Variants in DYNLT5 observed in about 807,000 individuals in gnomAD.
DYNLT5 encodes dynein light chain Tctex-type family member 5, also known as dynein light chain Tctex-type 5.
A neutral mutation model predicts 19.3 loss-of-function variants in DYNLT5; 25 were observed. The ratio of observed to expected loss-of-function variants is 1.30; its 90% CI spans 0.95 to 1.81. The LOEUF (loss-of-function observed/expected upper bound fraction) is 1.81, where lower values mean the gene tolerates loss of function less well. Ranked by LOEUF, DYNLT5 falls within the 40% of genes most tolerant of loss-of-function variation. The pLI, the probability that DYNLT5 is intolerant of heterozygous loss-of-function variation, is 0.00. For synonymous variants in DYNLT5, 82 were observed against 68.9 expected, an observed-to-expected ratio of 1.19 and a Z score of -0.94; for missense variants, 232 against 217.9, an observed-to-expected ratio of 1.06 and a Z score of -0.41.
At chr1:66,771,056 A>G (rs538020780) in intron 3 of DYNLT5, among the ~76,000 whole-genome samples, 9 of 152,134 alleles carry the variant, frequency 5.9e-5, no homozygotes, top group Non-Finnish European at 1.0e-4. Flanking sequence ...CCTGCCCACT[A>G]TTACCTGAAT....
At chr1:66,768,961 A>G (rs867344168) in intron 2 of DYNLT5, among the ~76,000 whole-genome samples, 1 of 152,198 alleles carries the variant, frequency 6.6e-6, no homozygotes, top group African/African-American at 2.4e-5. Context: ...ACTTACCTCA[A>G]AGGATATTGT....
Position 66,752,564 on chromosome 1 carries a change from G to A in DYNLT5, c.-24G>A. ...AGTGCCGGAGGTCTGGGAGGCTCCG[G>A]GCGAAGCCTCCCTGCTGCAGGTAGG... On this transcript the variant is annotated 5_prime_UTR_variant, in exon 1 of 5. Transcript: ENST00000282670. 2 of 985,524 alleles carry A rather than the reference G, an allele frequency of 2.0e-6. No individual in the cohort carries two copies. The highest frequency in any genetic ancestry group is 2.4e-6 in the Non-Finnish European group (2 of 829,990). The allele number at this position is 985,524 out of a possible 1,614,324, so 61.0% of individuals were successfully genotyped here. A position where few individuals can be genotyped will look rare whatever the true frequency, so the allele number is the denominator to read the frequency against.
At chr1:66,754,531 AC>A (rs1343949340) in intron 1 of DYNLT5, 124 bp from the exon 2 acceptor site, 1 of 965,188 alleles carries the variant, frequency 1.0e-6, no homozygotes, top group African/African-American at 1.7e-5. Context: ...TCTTGAGGAA[AC>A]CCCACTTTCC....
chr1:66,776,560 G>GTGTGT (rs1557875500), intron 4 of DYNLT5, among the ~76,000 whole-genome samples, 157 bp downstream of exon 4: 1 of 126,588 alleles, frequency 7.9e-6, no homozygotes, highest in South Asian at 2.7e-4. Flanking sequence ...TGTGTGTGTG[G>GTGTGT]GTGTGTGTGT....
Position 66,776,316 on chromosome 1 carries a change from T to G in DYNLT5, c.249T>G (p.His83Gln). 1 of 1,613,562 alleles carries G rather than the reference T, an allele frequency of 6.2e-7. No homozygotes were observed. The highest frequency in any genetic ancestry group is 8.5e-7 in the Non-Finnish European group (1 of 1,179,704). ...ATTTTCCTGTGGTCACCGTCAATCA[T>G]ATTTTGAAAGATGTAGTAACCAGCT... Reference protein sequence around the residue: ...PKHFPVVTVNHILKDVVTSYL... With the variant: ...PKHFPVVTVNQILKDVVTSYL... Residue 83 changes from histidine to glutamine, a missense_variant, in exon 4 of 5, where the codon CAT becomes CAG. Transcript: ENST00000282670.
intron 4 of DYNLT5, 95 bp from the exon 5 acceptor site, chr1:66,777,156 C>G (rs1375251988): frequency 1.2e-5 from 12 of 1,025,860 alleles, no homozygotes; most frequent in Non-Finnish European, 1.6e-5. Context: ...ATGCATCATG[C>G]TATTAAATTA....
At chr1:66,775,921 TC>T (rs1461212874) in intron 3 of DYNLT5, among the ~76,000 whole-genome samples, 1 of 152,046 alleles carries the variant, frequency 6.6e-6, no homozygotes, top group African/African-American at 2.4e-5. Context: ...TCATTTAAGA[TC>T]TGGTAGATAG....
At position 66,754,683 on chromosome 1, in the gene DYNLT5, G is replaced by A. The variant is rs1374996446; in HGVS notation, c.25G>A (p.Gly9Ser). The A allele has an allele frequency of 1.9e-6, 3 of 1,612,732 alleles. No homozygotes were observed. Among genetic ancestry groups the A allele is most frequent in the Non-Finnish European group, 2.5e-6 (3 of 1,179,584 alleles). Residue 9 changes from glycine to serine, a missense_variant, in exon 2 of 5, where the codon GGC becomes AGC. Coordinates refer to ENST00000282670, the MANE Select transcript of DYNLT5 (RefSeq NM_152665.3). ...TATGATGATGTCAGACAATGCTAAA[G>A]GCAGAGCAGCTCATTCATGGAAGAA... is the stretch of plus-strand genomic sequence containing the variant. MMMSDNAKGRAAHSWKKRG... is the reference protein window; with the variant it reads MMMSDNAKSRAAHSWKKRG...
At chr1:66,769,559 A>C (rs1034761749) in intron 2 of DYNLT5, among the ~76,000 whole-genome samples, 9 of 152,004 alleles carry the variant, frequency 5.9e-5, no homozygotes, top group African/African-American at 2.2e-4. Flanking sequence ...ACACACACAC[A>C]TGCTATTATA....
At chr1:66,776,159 A>G (rs1645233124) in intron 3 of DYNLT5, 120 bp from the exon 4 acceptor site, 1 of 1,324,780 alleles carries the variant, frequency 7.5e-7, no homozygotes, top group Non-Finnish European at 1.0e-6. Flanking sequence ...GTTTCTTTCA[A>G]TAGAGTCCAC....
chr1:66,752,822 C>T (rs986988647), intron 1 of DYNLT5, among the ~76,000 whole-genome samples: 3 of 152,338 alleles, frequency 2.0e-5, no homozygotes, highest in South Asian at 2.1e-4. Flanking sequence ...TGATGGCCAA[C>T]GCAGAGCCGG....
At chr1:66,770,145 G>A (rs1022563032) in intron 2 of DYNLT5, among the ~76,000 whole-genome samples, 2 of 152,062 alleles carry the variant, frequency 1.3e-5, no homozygotes, top group Admixed American at 1.3e-4. Context: ...TGATGACCTG[G>A]GTAACTGCCC....
At chr1:66,766,166 A>G (rs2094654601) in intron 2 of DYNLT5, among the ~76,000 whole-genome samples, 1 of 152,178 alleles carries the variant, frequency 6.6e-6, no homozygotes, top group Non-Finnish European at 1.5e-5. Context: ...TTTTTTCTCC[A>G]TAAATGCCAG....
At chr1:66,764,664 A>C (rs1572547196) in intron 2 of DYNLT5, among the ~76,000 whole-genome samples, 1 of 152,362 alleles carries the variant, frequency 6.6e-6, no homozygotes, top group East Asian at 1.9e-4. Context: ...TAGAGACATG[A>C]AGTAAGCACA....
rs546443668 is a variant in DYNLT5, at chr1:66,768,302, A to G, written c.120-2085A>G. On this transcript the variant is annotated intron_variant, in intron 2 of 4. Transcript: ENST00000282670. ...TCTGAAATGATTTTTGTTAATGTTA[A>G]CAGGGGTTAGAGAACAACTGAGGTT... Among the ~76,000 whole-genome samples, 21 of 152,328 alleles carry G rather than the reference A, an allele frequency of 1.4e-4. 1 individual carries two copies. The South Asian group carries it at 4.1e-3, about 30-fold the overall frequency.
At chr1:66,757,626 A>C in intron 2 of DYNLT5, among the ~76,000 whole-genome samples, 1 of 152,182 alleles carries the variant, frequency 6.6e-6, no homozygotes, top group East Asian at 1.9e-4. Flanking sequence ...TGAACAATTT[A>C]TAATAATAAG....
intron 2 of DYNLT5, among the ~76,000 whole-genome samples, chr1:66,768,227 T>C (rs1299974197): frequency 1.3e-5 from 2 of 152,222 alleles, no homozygotes; most frequent in East Asian, 3.8e-4. Flanking sequence ...TGATACATTT[T>C]AAATTTTTTT....
chr1:66,756,841 T>C (rs942683261), intron 2 of DYNLT5, among the ~76,000 whole-genome samples: 8 of 152,232 alleles, frequency 5.3e-5, no homozygotes, highest in Admixed American at 5.2e-4. Flanking sequence ...CTCAGTGCTC[T>C]ATCTGGCCCC....
intron 1 of DYNLT5, among the ~76,000 whole-genome samples, 168 bp from the exon 2 acceptor site, chr1:66,754,488 C>T (rs1572541423): frequency 6.6e-6 from 1 of 152,170 alleles, no homozygotes; most frequent in Non-Finnish European, 1.5e-5. Context: ...TCCAGTTTCA[C>T]TGATCAGAAT....
Sources: gnomAD v4.1 joint callset for allele counts (sites outside exome capture counted in the v4.1 genomes callset) on GRCh38, gnomAD v4.1.1 for gene constraint, MANE v1.5 for transcripts, NCBI Gene and HGNC (gene_info 2026-07-23, HGNC 2026-07-21) for gene names.